Variants in TM9SF4 observed in about 807,000 individuals in gnomAD.
The protein encoded by TM9SF4 is dinucleotide oxidase disulfide thiol exchanger 3 superfamily member 4.
TM9SF4 carries 26 observed loss-of-function variants against 90.4 expected under a neutral mutation model. The observed-to-expected ratio is 0.29, with a 90% confidence interval of 0.21 to 0.40. The LOEUF is 0.40. Among genes scored for constraint, TM9SF4 ranks in the 10% least tolerant of loss-of-function variants. The pLI is 1.00. For synonymous variants in TM9SF4, 293 were observed against 315.4 expected, an observed-to-expected ratio of 0.93 and a Z score of 0.75; for missense variants, 549 against 834.8, an observed-to-expected ratio of 0.66 and a Z score of 4.22.
intron 15 of TM9SF4, among the ~76,000 whole-genome samples, chr20:32,158,963 CAGAG>C (rs903601168): frequency 1.9e-4 from 27 of 145,308 alleles, no homozygotes; most frequent in African/African-American, 6.2e-4. Context: ...GCCTGGGTGA[CAGAG>C]AGAGACTCCA....
At chr20:32,124,933 C>G (rs6061168) in intron 1 of TM9SF4, among the ~76,000 whole-genome samples, 21,059 of 152,190 alleles carry the variant, frequency 0.14, 1,530 homozygotes, top group East Asian at 0.18. Context: ...TGGAATGGAA[C>G]TTTGCCTTGT....
intron 1 of TM9SF4, among the ~76,000 whole-genome samples, chr20:32,124,920 A>C (rs1381315125): frequency 1.3e-5 from 2 of 151,934 alleles, no homozygotes; most frequent in Non-Finnish European, 2.9e-5. Flanking sequence ...ATCAAACCCA[A>C]CTTGGAATGG....
In TM9SF4 at chr20:32,145,413, C is replaced by T. The variant is rs754049102; in HGVS notation, c.873C>T (p.Phe291=). The T allele has an allele frequency of 1.9e-6, 3 of 1,614,018 alleles. No individual in the cohort carries two copies. In the Admixed American group the frequency reaches 5.0e-5, roughly 27 times the overall value. The change falls in exon 8 of 18, where the codon TTC becomes TTT. Residue 291 remains phenylalanine (F), a synonymous_variant. Transcript: ENST00000398022. The part of the protein sequence containing the change: ...FSIINSVVVV[F]FLSGILSMII... ...TCATTAACTCCGTTGTTGTGGTCTT[C>T]TTCCTGTCAGGTGAGAGATCTGTGG...
In TM9SF4 at chr20:32,136,060, T is replaced by C; in HGVS notation, c.130-14T>C. The C allele has an allele frequency of 1.2e-6, 2 of 1,613,422 alleles. No individual in the cohort carries two copies. Among genetic ancestry groups the C allele is most frequent in the Admixed American group, 3.3e-5 (2 of 59,994 alleles). On this transcript the variant is annotated splice_polypyrimidine_tract_variant and intron_variant, in intron 2 of 17. Coordinates refer to ENST00000398022, the MANE Select transcript of TM9SF4 (RefSeq NM_014742.4). ...GATTATTGGTCATCTTGGTTTCTGC[T>C]GGATTCCCATCAGGCTGTGAAGCTC...
intron 3 of TM9SF4, among the ~76,000 whole-genome samples, chr20:32,136,687 A>G (rs111837026): frequency 6.6e-6 from 1 of 152,236 alleles, no homozygotes; most frequent in Non-Finnish European, 1.5e-5. Context: ...CAAGTATTCC[A>G]TAACTAGTAG....
chr20:32,155,159 C>T lies in TM9SF4; in HGVS notation c.1302C>T (p.Phe434=). ...VFGICFVLNC[F]IWGKHSSGAV... The stretch of plus-strand genomic sequence containing the variant: ...GCATCTGCTTCGTATTGAATTGCTT[C>T]ATTTGGGGAAAGCACTCATCAGGAG... The change falls in exon 13 of 18, where the codon TTC becomes TTT. Residue 434 remains phenylalanine, a synonymous_variant. Coordinates refer to ENST00000398022, the MANE Select transcript of TM9SF4 (RefSeq NM_014742.4). The T allele has an allele frequency of 6.2e-7, 1 of 1,614,186 alleles. No individual in the cohort carries two copies.
At chr20:32,112,544 A>C (rs543155762) in intron 1 of TM9SF4, among the ~76,000 whole-genome samples, 5 of 152,168 alleles carry the variant, frequency 3.3e-5, no homozygotes, top group African/African-American at 1.2e-4. Context: ...AAATACAAAA[A>C]TTAGCAGGGT....
Position 32,124,024 on chromosome 20 carries a change from A to G in TM9SF4, c.16-8989A>G, listed in dbSNP as rs547154426. On this transcript the variant is annotated intron_variant, in intron 1 of 17. Transcript: ENST00000398022. Reference sequence around the variant, plus strand: ...TCTGCAAGCCCACTTCACCATACCCAACTAATTTTTAAATAATTTTGTAGA... The same window carrying G: ...TCTGCAAGCCCACTTCACCATACCCGACTAATTTTTAAATAATTTTGTAGA... Among the ~76,000 whole-genome samples the G allele has an allele frequency of 2.2e-4, 34 of 151,716 alleles. 1 individual carries two copies. Among genetic ancestry groups the G allele is most frequent in the Non-Finnish European group, 2.2e-4 (15 of 67,888 alleles).
intron 3 of TM9SF4, 121 bp from the exon 4 acceptor site, chr20:32,141,376 A>C (rs1002924639): frequency 1.7e-6 from 2 of 1,186,928 alleles, no homozygotes; most frequent in Admixed American, 2.2e-5. Flanking sequence ...TGCCAGGCTG[A>C]GGCACTGCTG....
Position 32,165,793 on chromosome 20 carries a change from A to C in TM9SF4, c.*349A>C. ...GTTTTAACAAATGGATCCAGGATGG[A>C]TAAATCCACCGAGATAAGGGTTTTG... On this transcript the variant is annotated 3_prime_UTR_variant, in exon 18 of 18. Coordinates refer to ENST00000398022, the MANE Select transcript of TM9SF4 (RefSeq NM_014742.4). 2 of 216,384 alleles carry C rather than the reference A, an allele frequency of 9.2e-6. No homozygotes were observed. The highest frequency in any genetic ancestry group is 9.5e-6 in the Non-Finnish European group (1 of 105,352). 13.4% of individuals were successfully genotyped at this position (216,384 alleles called of 1,614,324 possible). A position where few individuals can be genotyped will look rare whatever the true frequency, so the allele number is the denominator to read the frequency against.
intron 1 of TM9SF4, among the ~76,000 whole-genome samples, chr20:32,121,833 T>C (rs1440188260): frequency 7.0e-6 from 1 of 142,410 alleles, no homozygotes; most frequent in Non-Finnish European, 1.5e-5. Context: ...GGCGGGGGGC[T>C]GAACCCCCCA....
chr20:32,121,191 CT>C (rs1298454121), intron 1 of TM9SF4, among the ~76,000 whole-genome samples: 204 of 136,316 alleles, frequency 1.5e-3, no homozygotes, highest in African/African-American at 4.3e-3. Context: ...CGCTGTGCCT[CT>C]TTTTTTTTTT....
intron 1 of TM9SF4, chr20:32,116,527 G>GT (rs1371611540): frequency 2.0e-5 from 3 of 152,246 alleles, no homozygotes; most frequent in Non-Finnish European, 4.4e-5. Flanking sequence ...CCTGCTGTGC[G>GT]TTTTTCCCTA....
intron 12 of TM9SF4, among the ~76,000 whole-genome samples, chr20:32,154,063 G>C (rs1018136945): frequency 5.3e-5 from 8 of 152,200 alleles, no homozygotes; most frequent in Non-Finnish European, 1.0e-4. Flanking sequence ...CCCAGCATCT[G>C]CCACCCCAAG....
At chr20:32,130,859 T>C (rs892298376) in intron 1 of TM9SF4, among the ~76,000 whole-genome samples, 8 of 152,200 alleles carry the variant, frequency 5.3e-5, no homozygotes, top group African/African-American at 1.7e-4. Flanking sequence ...TTTCAAAAAA[T>C]GTTCACGCTA....
At chr20:32,130,506 C>CATGAGGGTTGGCAAAAGCTTCCA (rs2046494910) in intron 1 of TM9SF4, among the ~76,000 whole-genome samples, 1 of 152,154 alleles carries the variant, frequency 6.6e-6, no homozygotes, top group African/African-American at 2.4e-5. Flanking sequence ...ACCAATGACA[C>CATGAGGGTTGGCAAAAGCTTCCA]ATGAGGGTTG....
chr20:32,115,929 C>A (rs1312921168), intron 1 of TM9SF4, among the ~76,000 whole-genome samples: 1 of 144,476 alleles, frequency 6.9e-6, no homozygotes, highest in Non-Finnish European at 1.5e-5. Context: ...TCGAGCGATT[C>A]TCCTGCCTCA....
At chr20:32,151,546 A>G (rs1441824356) in intron 12 of TM9SF4, among the ~76,000 whole-genome samples, 1 of 152,232 alleles carries the variant, frequency 6.6e-6, no homozygotes, top group Admixed American at 6.5e-5. Context: ...TCAAAAGCTC[A>G]AGGAGAGCTC....
intron 1 of TM9SF4, among the ~76,000 whole-genome samples, chr20:32,118,948 G>T (rs879369653): frequency 2.5e-3 from 375 of 152,204 alleles, no homozygotes; most frequent in Non-Finnish European, 4.4e-3. Flanking sequence ...TTTTTAATAA[G>T]GGTGATCCAT....
Sources: gnomAD v4.1 joint callset for allele counts (sites outside exome capture counted in the v4.1 genomes callset) on GRCh38, gnomAD v4.1.1 for gene constraint, MANE v1.5 for transcripts, NCBI Gene and HGNC (gene_info 2026-07-23, HGNC 2026-07-21) for gene names.